Variants in PADI3 observed in about 807,000 individuals in gnomAD.
The protein encoded by PADI3 is protein-arginine deiminase type-3.
PADI3 carries 53 observed loss-of-function variants against 71.5 expected under a neutral mutation model. The ratio of observed to expected loss-of-function variants is 0.74; its 90% confidence interval spans 0.59 to 0.93. The LOEUF (loss-of-function observed/expected upper bound fraction) is 0.93, where lower values mean the gene tolerates loss of function less well. PADI3 is among the 40% of genes least tolerant of loss of function. The pLI, the probability that PADI3 is intolerant of heterozygous loss-of-function variation, is 0.00. For synonymous variants in PADI3, 361 were observed against 347.5 expected (o/e 1.04, Z -0.43); for missense variants, 821 against 868.0 (o/e 0.95, Z 0.68).
intron 15 of PADI3, among the ~76,000 whole-genome samples, chr1:17,282,321 T>C (rs568369650): frequency 2.2e-4 from 34 of 152,232 alleles, no homozygotes; most frequent in African/African-American, 7.5e-4. Context: ...ATTCATTCTC[T>C]CTCTTTCTCT....
At position 17,283,250 on chromosome 1, in the gene PADI3, C is replaced by A. The variant is rs16824888; in HGVS notation, c.*171C>A. The A allele has an allele frequency of 0.049, 29,123 of 593,674 alleles. 898 individuals carry two copies. The highest frequency in any genetic ancestry group is 0.092 in the African/African-American group (4,964 of 53,716). 36.8% of individuals were successfully genotyped at this position (593,674 alleles called of 1,614,324 possible). ...TTTCCCTGGAAGTGTCCATGCCTCA[C>A]CTGCAACCCATGTGGTTCTCAGACT... On this transcript the variant is annotated 3_prime_UTR_variant, in exon 16 of 16. Coordinates refer to ENST00000375460, the MANE Select transcript of PADI3 (RefSeq NM_016233.2).
At chr1:17,282,733 G>T in intron 15 of PADI3, 113 bp from the exon 16 acceptor site, 1 of 757,768 alleles carries the variant, frequency 1.3e-6, no homozygotes, top group Non-Finnish European at 2.2e-6. Context: ...CACAGGAAAG[G>T]GTGAGTAGCT....
At chr1:17,254,033 G>A (rs2072997651) in intron 1 of PADI3, among the ~76,000 whole-genome samples, 1 of 152,212 alleles carries the variant, frequency 6.6e-6, no homozygotes, top group Admixed American at 6.5e-5. Context: ...CAGAGAGCTG[G>A]GCCCTTGGGG....
Position 17,262,173 on chromosome 1 carries a change from T to C in PADI3, c.314T>C (p.Leu105Pro). ...CACTCCAGCCATGAGCCTCTGCCCC[T>C]GGCCTATGCGGTGCTCTACCTCACC... is the stretch of plus-strand genomic sequence containing the variant. ...SYHSSHEPLP[L>P]AYAVLYLTCV... The change falls in exon 3 of 16, where the codon CTG becomes CCG. Residue 105 changes from leucine to proline, a missense_variant. Leu to Pro is a moderately conservative substitution (Grantham distance 98). Coordinates refer to ENST00000375460, the MANE Select transcript of PADI3 (RefSeq NM_016233.2). 6.2e-7 allele frequency: 1 copy of C among 1,613,382 alleles called. No individual in the cohort carries two copies.
rs1225731572 is a variant in PADI3 at position 17,283,130 on chromosome 1, T to G, written c.*51T>G. 1.4e-6 allele frequency: 2 copies of G among 1,422,738 alleles called. No homozygotes were observed. The highest frequency in any genetic ancestry group is 1.4e-5 in the African/African-American group (1 of 71,162). 88.1% of individuals were successfully genotyped at this position (1,422,738 alleles called of 1,614,324 possible). Reference sequence around the variant, plus strand: ...CCCCTGGGGCGGGCATTGGCCCAGGTGGTGGAGACAGAGACAGGCCCCTGA... The same window carrying G: ...CCCCTGGGGCGGGCATTGGCCCAGGGGGTGGAGACAGAGACAGGCCCCTGA... On this transcript the variant is annotated 3_prime_UTR_variant, in exon 16 of 16. Transcript: ENST00000375460.
chr1:17,271,904 C>G (rs989440412), intron 9 of PADI3, among the ~76,000 whole-genome samples: 11 of 150,034 alleles, frequency 7.3e-5, no homozygotes, highest in Middle Eastern at 3.5e-3. Flanking sequence ...AGAGGCTATA[C>G]CAGCAAAGCA....
intron 6 of PADI3, 41 bp from the exon 7 acceptor site, chr1:17,270,192 G>A: frequency 6.3e-7 from 1 of 1,577,572 alleles, no homozygotes; most frequent in Non-Finnish European, 8.6e-7. Context: ...TGCTCCCTGG[G>A]CCCACAGGGA....
In PADI3 at chr1:17,271,121, C is replaced by A; in HGVS notation, c.990C>A (p.Ala330=). ...VDAVAELARK[A]GCKLTICPQA... The stretch of plus-strand genomic sequence containing the variant: ...CGGTGGCAGAGCTGGCCAGGAAGGC[C>A]GGCTGCAAGCTGACCATCTGCCCAC... The change falls in exon 9 of 16, where the codon GCC becomes GCA. Residue 330 remains alanine, a synonymous_variant. Coordinates refer to ENST00000375460, the MANE Select transcript of PADI3 (RefSeq NM_016233.2). 6.2e-7 allele frequency: 1 copy of A among 1,613,868 alleles called. No homozygotes were observed. Among genetic ancestry groups the A allele is most frequent in the Non-Finnish European group, 8.5e-7 (1 of 1,180,006 alleles).
intron 1 of PADI3, among the ~76,000 whole-genome samples, chr1:17,257,801 C>G (rs541165431): frequency 1.3e-5 from 2 of 152,282 alleles, no homozygotes; most frequent in Non-Finnish European, 2.9e-5. Flanking sequence ...TAGTCCCCTA[C>G]GTATCCTGTG....
chr1:17,264,763 C>T (rs556941610), intron 3 of PADI3, among the ~76,000 whole-genome samples: 1 of 152,152 alleles, frequency 6.6e-6, no homozygotes, highest in South Asian at 2.1e-4. Context: ...GTAATCCCAG[C>T]ACTTTGGGAG....
At position 17,275,953 on chromosome 1, in the gene PADI3, T is replaced by C. The variant is rs1569915010; in HGVS notation, c.1308-566T>C. On this transcript the variant is annotated intron_variant, in intron 11 of 15. Coordinates refer to ENST00000375460, the MANE Select transcript of PADI3 (RefSeq NM_016233.2). The stretch of plus-strand genomic sequence containing the variant: ...GGGTGGTTCTGAAGATTTTCCTGGA[T>C]GGTGGGACCTGGTAGGTCATTGCCC... 1.3e-5 allele frequency among the ~76,000 whole-genome samples: 2 copies of C among 152,274 alleles called. 1 individual carries two copies. Among genetic ancestry groups the C allele is most frequent in the Non-Finnish European group, 2.9e-5 (2 of 68,030 alleles).
chr1:17,268,929 G>A (rs147836438), intron 6 of PADI3, among the ~76,000 whole-genome samples: 2,960 of 142,836 alleles, frequency 0.021, 78 homozygotes, highest in African/African-American at 0.057. Context: ...TCTGTTGCCC[G>A]GGCTGGAGTG....
At position 17,282,865 on chromosome 1, in the gene PADI3, G is replaced by A. The variant is rs775786808; in HGVS notation, c.1781G>A (p.Gly594Glu). ...CTGCAGGTGAACATGCTGGTGCTGG[G>A]GAAGCACCTGGGCATCCCCAAGCCC... ...FPDLVNMLVL[G>E]KHLGIPKPFG... Residue 594 changes from glycine to glutamate, a missense_variant, in exon 16 of 16, where the codon GGG becomes GAG. By Grantham distance (98) the Gly-to-Glu change is moderately conservative. Transcript: ENST00000375460. 6.2e-7 allele frequency: 1 copy of A among 1,612,678 alleles called. No homozygotes were observed. Among genetic ancestry groups the A allele is most frequent in the Admixed American group, 1.7e-5 (1 of 59,780 alleles).
rs1220248163 is a variant in PADI3, at chr1:17,273,452, G to A, written c.1155+5G>A. ...TTCCCTTACAAAAGAATCCTGGTGA[G>A]TGGTCCCGGCCGCAGCCCACCCCTG... On this transcript the variant is annotated splice_donor_5th_base_variant and intron_variant, in intron 10 of 15. Transcript: ENST00000375460. 1 of 1,600,896 alleles carries A rather than the reference G, an allele frequency of 6.2e-7. No homozygotes were observed. Among genetic ancestry groups the A allele is most frequent in the Non-Finnish European group, 8.6e-7 (1 of 1,168,814 alleles).
At chr1:17,265,851 C>T (rs2073161505) in intron 4 of PADI3, 131 bp downstream of exon 4, 2 of 747,660 alleles carry the variant, frequency 2.7e-6, no homozygotes, top group African/African-American at 1.7e-5. Flanking sequence ...GGGCCAAAAA[C>T]AGAAACCAGG....
rs375553328 is a variant in PADI3 at position 17,270,407 on chromosome 1, A to G, written c.827A>G (p.Asn276Ser). The G allele has an allele frequency of 1.8e-5, 29 of 1,612,452 alleles. No individual in the cohort carries two copies. The highest frequency in any genetic ancestry group is 4.5e-5 in the East Asian group (2 of 44,834). The change falls in exon 7 of 16, where the codon AAC (asparagine) becomes AGC (serine). Residue 276 changes from asparagine (N) to serine (S), a missense_variant. By Grantham distance (46) the Asn-to-Ser change is conservative. Coordinates refer to ENST00000375460, the MANE Select transcript of PADI3 (RefSeq NM_016233.2). ...SFHVTLLDDS[N>S]EDFSASPIFT... is the part of the protein sequence containing the mutation. ...CATGTCACTCTGCTGGACGACTCCA[A>G]CGAGGTAGGGACAGAGGGGGTTCAA...
At chr1:17,270,752 T>C in intron 7 of PADI3, 127 bp from the exon 8 acceptor site, 1 of 718,356 alleles carries the variant, frequency 1.4e-6, no homozygotes, top group Non-Finnish European at 2.4e-6. Context: ...TGACCACCCC[T>C]CTGGTTCATT....
intron 15 of PADI3, among the ~76,000 whole-genome samples, chr1:17,281,858 G>A (rs12037558): frequency 0.36 from 54,410 of 152,098 alleles, 11,540 homozygotes; most frequent in East Asian, 0.64. Context: ...CACTGCTGCC[G>A]CGCTAACAAA....
Position 17,278,567 on chromosome 1 carries a change from G to T in PADI3, c.1555+1691G>T, listed in dbSNP as rs79459531. ...TTTGTTTTGTTTTTTGTTTTGCACT[G>T]GAAGAATTTTGAGAGAGAGAGAGCT... On this transcript the variant is annotated intron_variant, in intron 13 of 15. Transcript: ENST00000375460. Among the ~76,000 whole-genome samples, 182 of 152,124 alleles carry T rather than the reference G, an allele frequency of 1.2e-3. 5 individuals are homozygous for T. In the East Asian group the frequency reaches 0.028, roughly 23 times the overall value.
Sources: gnomAD v4.1 joint callset for allele counts (sites outside exome capture counted in the v4.1 genomes callset) on GRCh38, gnomAD v4.1.1 for gene constraint, MANE v1.5 for transcripts, NCBI Gene and HGNC (gene_info 2026-07-23, HGNC 2026-07-21) for gene names.